SNTG1: variants seen among roughly 807,000 people sequenced by gnomAD.
SNTG1 encodes gamma-1-syntrophin.
A neutral mutation model predicts 74.7 loss-of-function variants in SNTG1; 39 were observed. The observed-to-expected ratio is 0.52, with a 90% CI of 0.40 to 0.68. The LOEUF is 0.68. SNTG1 is among the 30% of genes least tolerant of loss of function. The pLI is 0.00. For missense variants in SNTG1, 685 were observed against 609.5 expected (o/e 1.12, Z -1.30); for synonymous variants, 254 against 217.1 (o/e 1.17, Z -1.49).
chr8:49,948,921 C>T (rs2129388043), intron 1 of SNTG1, among the ~76,000 whole-genome samples: 1 of 152,306 alleles, frequency 6.6e-6, no homozygotes, highest in East Asian at 1.9e-4. Flanking sequence ...TTTCCTGCTA[C>T]TTCTTCCCTG....
chr8:50,450,440 C>T, intron 6 of SNTG1, 116 bp from the exon 7 acceptor site: 1 of 1,044,158 alleles, frequency 9.6e-7, no homozygotes, highest in East Asian at 2.6e-5. Context: ...AGATGCTAAC[C>T]ATATAAGACA....
chr8:50,459,983 T>C (rs1387290514), intron 8 of SNTG1, among the ~76,000 whole-genome samples: 1 of 152,222 alleles, frequency 6.6e-6, no homozygotes, highest in Non-Finnish European at 1.5e-5. Flanking sequence ...TGAATGCGTG[T>C]GTCTTTTCTG....
At chr8:50,319,631 T>C (rs906744435) in intron 2 of SNTG1, among the ~76,000 whole-genome samples, 1 of 152,214 alleles carries the variant, frequency 6.6e-6, no homozygotes, top group African/African-American at 2.4e-5. Context: ...AAAGTGGGCA[T>C]CCTTGTCATG....
chr8:50,726,773 CA>C (rs1342211426), intron 17 of SNTG1, among the ~76,000 whole-genome samples: 1 of 152,034 alleles, frequency 6.6e-6, no homozygotes, highest in Non-Finnish European at 1.5e-5. Flanking sequence ...GGCGTGAAAC[CA>C]GGAGGTGGAG....
At chr8:50,459,393 A>T (rs1227303630) in intron 8 of SNTG1, among the ~76,000 whole-genome samples, 1 of 152,138 alleles carries the variant, frequency 6.6e-6, no homozygotes, top group Non-Finnish European at 1.5e-5. Flanking sequence ...TTATTTGAGC[A>T]TTTTATTTGA....
chr8:50,337,932 C>T (rs1012306972), intron 2 of SNTG1, among the ~76,000 whole-genome samples: 3 of 152,008 alleles, frequency 2.0e-5, no homozygotes, highest in African/African-American at 7.2e-5. Flanking sequence ...GTCAGGAGAT[C>T]GAGACCATCC....
chr8:50,304,399 C>T (rs1442075783), intron 2 of SNTG1, among the ~76,000 whole-genome samples: 2 of 152,282 alleles, frequency 1.3e-5, no homozygotes, highest in South Asian at 2.1e-4. Context: ...ACAAAGACAT[C>T]TAATCTCCAC....
intron 2 of SNTG1, among the ~76,000 whole-genome samples, chr8:50,264,109 G>A (rs138509829): frequency 6.6e-5 from 10 of 152,088 alleles, no homozygotes; most frequent in Non-Finnish European, 1.5e-4. Flanking sequence ...GAATTACAAC[G>A]GAAATTAGAA....
intron 1 of SNTG1, among the ~76,000 whole-genome samples, chr8:50,120,541 CATG>C (rs1322859899): frequency 1.5e-5 from 2 of 137,644 alleles, no homozygotes; most frequent in Admixed American, 7.7e-5. Flanking sequence ...ATACTGCTAC[CATG>C]ATAACTACTA....
At chr8:50,759,627 G>A (rs758600319) in intron 18 of SNTG1, among the ~76,000 whole-genome samples, 5 of 151,638 alleles carry the variant, frequency 3.3e-5, no homozygotes, top group Non-Finnish European at 5.9e-5. Flanking sequence ...GTAGATGTGT[G>A]GTATTATTTC....
chr8:50,172,139 AG>A (rs1416946787), intron 1 of SNTG1, among the ~76,000 whole-genome samples: 1 of 152,214 alleles, frequency 6.6e-6, no homozygotes, highest in Non-Finnish European at 1.5e-5. Flanking sequence ...CTCATAAAAA[AG>A]TAATCACTTC....
At chr8:50,381,214 G>C (rs549682307) in intron 2 of SNTG1, 2 of 151,526 alleles carry the variant, frequency 1.3e-5, no homozygotes, top group South Asian at 4.2e-4. Flanking sequence ...TTTCATAGGG[G>C]CTTTTTTTTT....
intron 1 of SNTG1, among the ~76,000 whole-genome samples, chr8:50,168,254 T>C (rs907006328): frequency 2.6e-5 from 4 of 152,196 alleles, no homozygotes; most frequent in African/African-American, 9.6e-5. Context: ...TGCTACATAC[T>C]TCATACAAAC....
chr8:50,796,245 G>C lies in SNTG1; in HGVS notation c.*3416G>C, dbSNP rs960084423. On this transcript the variant is annotated 3_prime_UTR_variant, in exon 19 of 19. Coordinates refer to ENST00000642720, the MANE Select transcript of SNTG1 (RefSeq NM_018967.5). ...GCTTTAAAAGCACAAGGATGATCTT[G>C]TGCTTAACTTTTTAAGGTAAGTGTA... is the stretch of plus-strand genomic sequence containing the variant. 2.0e-5 allele frequency: 3 copies of C among 152,018 alleles called. No homozygotes were observed. Among genetic ancestry groups the C allele is most frequent in the Admixed American group, 1.3e-4 (2 of 15,238 alleles). 9.4% of individuals were successfully genotyped at this position (152,018 alleles called of 1,614,324 possible). A position where few individuals can be genotyped will look rare whatever the true frequency, so the allele number is the denominator to read the frequency against.
Position 50,437,778 on chromosome 8 carries a change from A to G in SNTG1, c.163-765A>G, listed in dbSNP as rs139934463. On this transcript the variant is annotated intron_variant, in intron 4 of 18. Coordinates refer to ENST00000642720, the MANE Select transcript of SNTG1 (RefSeq NM_018967.5). ...ATAGCATGCCTCCGCAGTAAGCACT[A>G]TGTAAAGATGACTGCCCAAAATCAG... 1.5e-3 allele frequency among the ~76,000 whole-genome samples: 221 copies of G among 152,318 alleles called. 1 individual carries two copies. Among genetic ancestry groups the G allele is most frequent in the African/African-American group, 5.0e-3 (208 of 41,584 alleles).
In SNTG1 at chr8:50,736,538, G is replaced by T. The variant is rs181877409; in HGVS notation, c.1285-15463G>T. Among the ~76,000 whole-genome samples, 332 of 152,094 alleles carry T rather than the reference G, an allele frequency of 2.2e-3. 2 individuals are homozygous for T. The highest frequency in any genetic ancestry group is 7.6e-3 in the African/African-American group (316 of 41,524). On this transcript the variant is annotated intron_variant, in intron 17 of 18. Transcript: ENST00000642720. ...ATCAACAAGAGAGAAAATTAACAAGGATATTCAGAACTTGGATCAGCTCTG... is the reference window on the plus strand; with the variant it reads ...ATCAACAAGAGAGAAAATTAACAAGTATATTCAGAACTTGGATCAGCTCTG...
chr8:50,481,978 A>T (rs1417624067), intron 8 of SNTG1, among the ~76,000 whole-genome samples: 2 of 152,306 alleles, frequency 1.3e-5, no homozygotes, highest in East Asian at 3.9e-4. Context: ...TGCATGCAAC[A>T]TGTTATGGAC....
chr8:49,977,542 A>G (rs1162341225), intron 1 of SNTG1, among the ~76,000 whole-genome samples: 1 of 152,212 alleles, frequency 6.6e-6, no homozygotes, highest in African/African-American at 2.4e-5. Flanking sequence ...TTTCAAAAGA[A>G]AAGTTAAGTA....
intron 2 of SNTG1, among the ~76,000 whole-genome samples, chr8:50,349,679 A>T (rs1302839495): frequency 6.6e-6 from 1 of 152,176 alleles, no homozygotes; most frequent in Non-Finnish European, 1.5e-5. Context: ...TTGGAAAGGC[A>T]CTTTGCTGTG....
Sources: gnomAD v4.1 joint callset for allele counts (sites outside exome capture counted in the v4.1 genomes callset) on GRCh38, gnomAD v4.1.1 for gene constraint, MANE v1.5 for transcripts, NCBI Gene and HGNC (gene_info 2026-07-23, HGNC 2026-07-21) for gene names.